Variants in RHOC observed in about 807,000 individuals in gnomAD.
The protein encoded by RHOC is rho-related GTP-binding protein RhoC.
A neutral mutation model predicts 19.5 loss-of-function variants in RHOC; 13 were observed. That is an observed-to-expected ratio of 0.67 (90% CI 0.43 to 1.06). The LOEUF is 1.06. Among genes scored for constraint, RHOC ranks in the 50% least tolerant of loss-of-function variants. The pLI, the probability that RHOC is intolerant of heterozygous loss-of-function variation, is 0.00. For synonymous variants in RHOC, 106 were observed against 97.3 expected (o/e 1.09, Z -0.52); for missense variants, 173 against 256.9 (o/e 0.67, Z 2.23).
chr1:112,705,597 G>A (rs766164737), intron 1 of RHOC: 12 of 462,810 alleles, frequency 2.6e-5, no homozygotes, highest in Non-Finnish European at 5.2e-5. Flanking sequence ...AAGCAAGAAG[G>A]CATTCACCCT....
chr1:112,703,011 G>T lies in RHOC; in HGVS notation c.265C>A (p.Pro89Thr). The change falls in exon 4 of 6, where the codon CCT (proline) becomes ACT (threonine). Residue 89 changes from proline to threonine, a missense_variant. Pro to Thr is a conservative substitution (Grantham distance 38). Transcript: ENST00000339083. ...VILMCFSIDS[P>T]DSLENIPEKW... ...CCAATCCCCTCACCCAGGCTGTCAG[G>T]GCTGTCGATGGAGAAGCACATGAGG... 6.2e-7 allele frequency: 1 copy of T among 1,614,044 alleles called. No individual in the cohort carries two copies.
intron 1 of RHOC, among the ~76,000 whole-genome samples, chr1:112,706,464 C>CACACACACACA (rs71084488): frequency 4.3e-5 from 1 of 23,042 alleles, no homozygotes; most frequent in African/African-American, 2.1e-4. Context: ...CACACACACA[C>CACACACACACA]CACACACACA....
intron 5 of RHOC, among the ~76,000 whole-genome samples, chr1:112,702,012 C>T (rs1382767772): frequency 6.6e-6 from 1 of 152,198 alleles, no homozygotes; most frequent in Non-Finnish European, 1.5e-5. Flanking sequence ...CTCTTCCAGT[C>T]AGAATTATTT....
Position 112,701,431 on chromosome 1 carries a change from C to G in RHOC, c.*109G>C, listed in dbSNP as rs1359588192. ...CAATGCAGTCCTGGGCAGGAGGGAA[C>G]TGAAAATGGGAGCCTTCAGCATGGA... On this transcript the variant is annotated 3_prime_UTR_variant, in exon 6 of 6. Transcript: ENST00000339083. The G allele has an allele frequency of 6.2e-7, 1 of 1,608,344 alleles. No homozygotes were observed. The highest frequency in any genetic ancestry group is 1.1e-5 in the South Asian group (1 of 90,516).
Position 112,701,381 on chromosome 1 carries a change from G to T in RHOC, c.*159C>A, listed in dbSNP as rs1043952998. 1 of 1,534,140 alleles carries T rather than the reference G, an allele frequency of 6.5e-7. No individual in the cohort carries two copies. The highest frequency in any genetic ancestry group is 8.8e-7 in the Non-Finnish European group (1 of 1,137,618). On this transcript the variant is annotated 3_prime_UTR_variant, in exon 6 of 6. Transcript: ENST00000339083. ...CCCAGAGCGCTGGGAGGGAGGGCCC[G>T]TGCCACCACCTCGGGGCTAGAAAAC...
At chr1:112,706,504 A>AC (rs1270404351) in intron 1 of RHOC, among the ~76,000 whole-genome samples, 2 of 66,278 alleles carry the variant, frequency 3.0e-5, no homozygotes, top group African/African-American at 5.9e-5. Context: ...ACACACACAC[A>AC]CACACACACA....
Position 112,702,705 on chromosome 1 carries a change from T to G in RHOC, c.278-12A>C. 1 of 1,614,014 alleles carries G rather than the reference T, an allele frequency of 6.2e-7. No homozygotes were observed. The highest frequency in any genetic ancestry group is 8.5e-7 in the Non-Finnish European group (1 of 1,179,942). ...CTCAGGAATGTTTTCTGTGTAGACA[T>G]GCACCAACAGGTGTCGGTGCCTCCA... On this transcript the variant is annotated splice_polypyrimidine_tract_variant and intron_variant, in intron 4 of 5. Coordinates refer to ENST00000339083, the MANE Select transcript of RHOC (RefSeq NM_175744.5).
chr1:112,706,495 CACA>C (rs1557780833), intron 1 of RHOC, among the ~76,000 whole-genome samples: 47 of 36,724 alleles, frequency 1.3e-3, no homozygotes, highest in Non-Finnish European at 2.1e-3. Flanking sequence ...CACACACACA[CACA>C]CACACACACA....
chr1:112,701,315 T>TC lies in RHOC; in HGVS notation c.*224dup. On this transcript the variant is annotated 3_prime_UTR_variant, in exon 6 of 6. Transcript: ENST00000339083. ...TTGGGGAAGGTCAAAGGGGGCAAGA[T>TC]CCCCAGGGGCCCTGAGGAAGGGCAG... The TC allele has an allele frequency of 7.7e-7, 1 of 1,306,558 alleles. No homozygotes were observed. The highest frequency in any genetic ancestry group is 1.0e-6 in the Non-Finnish European group (1 of 963,428). The allele number at this position is 1,306,558 out of a possible 1,614,324, so 80.9% of individuals were successfully genotyped here. A position where few individuals can be genotyped will look rare whatever the true frequency, so the allele number is the denominator to read the frequency against.
Position 112,701,381 on chromosome 1 carries a change from G to C in RHOC, c.*159C>G, listed in dbSNP as rs1043952998. 1 of 1,534,022 alleles carries C rather than the reference G, an allele frequency of 6.5e-7. No individual in the cohort carries two copies. Among genetic ancestry groups the C allele is most frequent in the South Asian group, 1.2e-5 (1 of 81,438 alleles). ...CCCAGAGCGCTGGGAGGGAGGGCCC[G>C]TGCCACCACCTCGGGGCTAGAAAAC... On this transcript the variant is annotated 3_prime_UTR_variant, in exon 6 of 6. Coordinates refer to ENST00000339083, the MANE Select transcript of RHOC (RefSeq NM_175744.5).
intron 5 of RHOC, 78 bp downstream of exon 5, chr1:112,702,485 G>C (rs1179127821): frequency 6.7e-7 from 1 of 1,493,452 alleles, no homozygotes. Context: ...TAGCTGGAGA[G>C]AAGTTCCCTT....
chr1:112,701,648 C>T lies in RHOC; in HGVS notation c.474G>A (p.Glu158=), dbSNP rs777922520. 7 of 1,614,100 alleles carry T rather than the reference C, an allele frequency of 4.3e-6. No individual in the cohort carries two copies. In the South Asian group the frequency reaches 7.7e-5, roughly 18 times the overall value. ...ANRISAFGYL[E]CSAKTKEGVR... is the part of the protein sequence containing the mutation. ...CTCCCTCCTTGGTCTTGGCTGAGCA[C>T]TCAAGGTAGCCAAAGGCACTGATCC... The change falls in exon 6 of 6, where the codon GAG becomes GAA. Residue 158 remains glutamate (E), a synonymous_variant. Transcript: ENST00000339083.
intron 1 of RHOC, among the ~76,000 whole-genome samples, chr1:112,706,488 A>ACACACACACACACCCCCACAC (rs1674883859): frequency 1.2e-4 from 3 of 26,072 alleles, no homozygotes; most frequent in East Asian, 3.5e-3. Flanking sequence ...ACACACACAC[A>ACACACACACACACCCCCACAC]CACACACACA....
At chr1:112,703,146 G>T in intron 3 of RHOC, 27 bp from the exon 4 acceptor site, 1 of 1,612,622 alleles carries the variant, frequency 6.2e-7, no homozygotes, top group East Asian at 2.2e-5. Flanking sequence ...GTGAGTAGCT[G>T]GCCTGAGGGC....
At chr1:112,706,451 A>ACACACACACACACACACACACAC (rs1557780474) in intron 1 of RHOC, among the ~76,000 whole-genome samples, 7 of 23,576 alleles carry the variant, frequency 3.0e-4, no homozygotes, top group African/African-American at 8.1e-4. Context: ...ACACACACAC[A>ACACACACACACACACACACACAC]CACACACACA....
At chr1:112,705,858 G>A in intron 1 of RHOC, 1 of 355,918 alleles carries the variant, frequency 2.8e-6, no homozygotes, top group Non-Finnish European at 5.6e-6. Context: ...CCCCCCAGCA[G>A]GGTAATTCAG....
intron 1 of RHOC, among the ~76,000 whole-genome samples, chr1:112,706,486 A>ACCC (rs1557780753): frequency 5.7e-5 from 1 of 17,638 alleles, no homozygotes; most frequent in Non-Finnish European, 1.2e-4. Flanking sequence ...ACACACACAC[A>ACCC]CACACACACA....
Position 112,706,504 on chromosome 1 carries a change from A to ACCCCCACAC in RHOC, c.-77+573_-77+574insGTGTGGGGG, listed in dbSNP as rs1270404351. Reference sequence around the variant, plus strand: ...CACACACACACACACACACACACACACACACACACACACACACACACACAC... The same window carrying ACCCCCACAC: ...CACACACACACACACACACACACACACCCCCACACCACACACACACACACACACACACAC... On this transcript the variant is annotated intron_variant, in intron 1 of 5. Transcript: ENST00000339083. Among the ~76,000 whole-genome samples the ACCCCCACAC allele has an allele frequency of 4.5e-5, 3 of 66,278 alleles. 1 individual carries two copies. Among genetic ancestry groups the ACCCCCACAC allele is most frequent in the Non-Finnish European group, 3.2e-5 (1 of 31,328 alleles). 43.5% of individuals were successfully genotyped at this position (66,278 alleles called of 152,430 possible). A position where few individuals can be genotyped will look rare whatever the true frequency, so the allele number is the denominator to read the frequency against.
chr1:112,703,391 C>T, intron 3 of RHOC: 1 of 716,230 alleles, frequency 1.4e-6, no homozygotes, highest in Non-Finnish European at 2.5e-6. Context: ...TACCATCATC[C>T]CCATTTTGCA....
Sources: allele counts gnomAD v4.1 joint callset (sites outside exome capture counted in the v4.1 genomes callset), GRCh38; gene constraint gnomAD v4.1.1; transcripts MANE v1.5; gene names NCBI Gene and HGNC (gene_info 2026-07-23, HGNC 2026-07-21).